RGS7: variants seen among roughly 807,000 people sequenced by gnomAD.
The protein encoded by RGS7 is regulator of G-protein signaling 7.
RGS7 carries 27 observed loss-of-function variants against 81.1 expected under a neutral mutation model. The observed-to-expected ratio is 0.33, with a 90% CI of 0.25 to 0.46. RGS7 has a LOEUF of 0.46. RGS7 is among the 20% of genes least tolerant of loss of function. The probability of loss-of-function intolerance (pLI) is 1.00; values close to 1 mark genes in which losing one functional copy is unlikely to be tolerated. For missense variants in RGS7, 396 were observed against 607.4 expected (o/e 0.65, Z 3.66); for synonymous variants, 208 against 207.7 (o/e 1.00, Z -0.01).
intron 6 of RGS7, among the ~76,000 whole-genome samples, chr1:240,902,863 G>A (rs566265365): frequency 6.6e-6 from 1 of 152,228 alleles, no homozygotes; most frequent in African/African-American, 2.4e-5. Context: ...ACATACAATT[G>A]TATTTTGAAG....
intron 2 of RGS7, among the ~76,000 whole-genome samples, chr1:241,297,693 T>C (rs1370094995): frequency 1.3e-5 from 2 of 152,226 alleles, no homozygotes; most frequent in Non-Finnish European, 2.9e-5. Context: ...TGCTGAACCA[T>C]AGGTAGCTCT....
chr1:240,961,197 G>C (rs1266988084), intron 4 of RGS7, among the ~76,000 whole-genome samples: 1 of 152,052 alleles, frequency 6.6e-6, no homozygotes, highest in Non-Finnish European at 1.5e-5. Flanking sequence ...AGAAATAATG[G>C]CATCAAAAAA....
At chr1:241,118,534 A>G (rs1189335988) in intron 2 of RGS7, among the ~76,000 whole-genome samples, 1 of 152,172 alleles carries the variant, frequency 6.6e-6, no homozygotes, top group African/African-American at 2.4e-5. Flanking sequence ...CTGCAATCCT[A>G]CTACTGGGTA....
chr1:241,273,016 G>A (rs1398164609), intron 2 of RGS7, among the ~76,000 whole-genome samples: 1 of 152,014 alleles, frequency 6.6e-6, no homozygotes. Flanking sequence ...CTGTGTGTGT[G>A]TAATCTGTCC....
At chr1:240,887,212 T>C (rs1667476582) in intron 6 of RGS7, among the ~76,000 whole-genome samples, 1 of 144,966 alleles carries the variant, frequency 6.9e-6, no homozygotes, top group Admixed American at 7.1e-5. Flanking sequence ...TTGAAGATCA[T>C]TTTGAGTATA....
intron 2 of RGS7, among the ~76,000 whole-genome samples, chr1:241,220,422 TA>T (rs1264317572): frequency 6.6e-6 from 1 of 152,216 alleles, no homozygotes; most frequent in Non-Finnish European, 1.5e-5. Flanking sequence ...AGAATGTTCT[TA>T]AAGCTCCCCA....
intron 2 of RGS7, among the ~76,000 whole-genome samples, chr1:241,127,937 G>C (rs949709243): frequency 6.6e-6 from 1 of 152,060 alleles, no homozygotes; most frequent in Non-Finnish European, 1.5e-5. Flanking sequence ...AAAAAGTACA[G>C]TTGCATAGAT....
chr1:241,322,081 A>G (rs1339699909), intron 2 of RGS7, among the ~76,000 whole-genome samples: 2 of 152,070 alleles, frequency 1.3e-5, no homozygotes, highest in Non-Finnish European at 2.9e-5. Context: ...AACCTAACTC[A>G]TCAGAAGCCC....
intron 2 of RGS7, among the ~76,000 whole-genome samples, chr1:241,158,962 C>T (rs755524242): frequency 6.6e-6 from 1 of 152,116 alleles, no homozygotes; most frequent in Non-Finnish European, 1.5e-5. Flanking sequence ...TCTCTCCATC[C>T]ATCAATTTAT....
At chr1:240,809,172 T>C (rs538838073) in intron 14 of RGS7, among the ~76,000 whole-genome samples, 1 of 152,326 alleles carries the variant, frequency 6.6e-6, no homozygotes. Flanking sequence ...CTCTATGCTA[T>C]GTGTTTTGCT....
chr1:241,282,623 G>A (rs1231309001), intron 2 of RGS7, among the ~76,000 whole-genome samples: 1 of 152,172 alleles, frequency 6.6e-6, no homozygotes, highest in Non-Finnish European at 1.5e-5. Context: ...GGTAAGGATA[G>A]ACATAGTTGC....
chr1:241,286,227 T>C (rs2078800995), intron 2 of RGS7, among the ~76,000 whole-genome samples: 1 of 152,178 alleles, frequency 6.6e-6, no homozygotes. Flanking sequence ...AGCATTGAGA[T>C]GGAAAGAGCC....
chr1:241,137,429 G>A (rs375571795), intron 2 of RGS7, among the ~76,000 whole-genome samples: 128 of 152,200 alleles, frequency 8.4e-4, no homozygotes, highest in African/African-American at 2.9e-3. Flanking sequence ...TATTCATTGT[G>A]TTCCTTTTAT....
intron 3 of RGS7, among the ~76,000 whole-genome samples, chr1:241,078,433 G>A (rs2815849): frequency 0.15 from 21,121 of 139,864 alleles, 1,555 homozygotes; most frequent in South Asian, 0.18. Context: ...ATAATATGTG[G>A]TCTGTGGTCC....
At chr1:240,958,585 T>C (rs944019443) in intron 4 of RGS7, among the ~76,000 whole-genome samples, 2 of 152,202 alleles carry the variant, frequency 1.3e-5, no homozygotes, top group Non-Finnish European at 2.9e-5. Context: ...ACTTTTATTC[T>C]TTCTCTATAA....
intron 2 of RGS7, among the ~76,000 whole-genome samples, chr1:241,221,007 A>G (rs764147826): frequency 0.32 from 16,221 of 50,802 alleles, 1,897 homozygotes; most frequent in Middle Eastern, 0.36. Context: ...GAGAGAGAGA[A>G]AGGAAGGAAG....
At chr1:240,837,529 G>T (rs1207874066) in intron 9 of RGS7, among the ~76,000 whole-genome samples, 2 of 152,064 alleles carry the variant, frequency 1.3e-5, no homozygotes, top group African/African-American at 4.8e-5. Flanking sequence ...CTGGTGGGAG[G>T]GTGAGTAGCA....
intron 2 of RGS7, among the ~76,000 whole-genome samples, chr1:241,234,272 C>T (rs1203259317): frequency 6.6e-6 from 1 of 152,114 alleles, no homozygotes; most frequent in Non-Finnish European, 1.5e-5. Context: ...AGTTGTTTAT[C>T]GATATCCATC....
At chr1:241,191,286 T>C (rs1573056095) in intron 2 of RGS7, among the ~76,000 whole-genome samples, 1 of 152,172 alleles carries the variant, frequency 6.6e-6, no homozygotes, top group South Asian at 2.1e-4. Flanking sequence ...GCCTCCACTA[T>C]TGTTATTTTT....
Sources: allele counts gnomAD v4.1 joint callset (sites outside exome capture counted in the v4.1 genomes callset), GRCh38; gene constraint gnomAD v4.1.1; transcripts MANE v1.5; gene names NCBI Gene and HGNC (gene_info 2026-07-23, HGNC 2026-07-21).